The following FRYL variants were observed in gnomAD, a reference collection of about 807,000 sequenced individuals.
FRYL encodes the protein FRY like transcription coactivator, also known as protein furry homolog-like.
In FRYL, 150 loss-of-function variants were observed where a neutral mutation model predicts 351.2. The ratio of observed to expected loss-of-function variants is 0.43; its 90% CI spans 0.37 to 0.49. FRYL has a LOEUF of 0.49. Among genes scored for constraint, FRYL ranks in the 20% least tolerant of loss-of-function variants. The pLI, the probability that FRYL is intolerant of heterozygous loss-of-function variation, is 0.00. For missense variants in FRYL, 3,036 were observed against 3,619.3 expected, an observed-to-expected ratio of 0.84 and a Z score of 4.13; for synonymous variants, 1,153 against 1,257.1, an observed-to-expected ratio of 0.92 and a Z score of 1.75.
At chr4:48,588,441 A>C (rs1381623860) in intron 18 of FRYL, among the ~76,000 whole-genome samples, 1 of 152,152 alleles carries the variant, frequency 6.6e-6, no homozygotes, top group Non-Finnish European at 1.5e-5. Context: ...TATCTGTCTT[A>C]CACAACTTCT....
chr4:48,548,159 T>C (rs1263645001), intron 40 of FRYL, among the ~76,000 whole-genome samples: 1 of 152,014 alleles, frequency 6.6e-6, no homozygotes, highest in Non-Finnish European at 1.5e-5. Flanking sequence ...AGTGTGCCCA[T>C]CAGGAAAACT....
intron 53 of FRYL, among the ~76,000 whole-genome samples, chr4:48,526,443 A>G (rs1213596537): frequency 1.3e-5 from 2 of 152,182 alleles, no homozygotes; most frequent in African/African-American, 2.4e-5. Context: ...TGTTTCAGAA[A>G]GTAGCATGTG....
chr4:48,662,644 T>A (rs1224382434), intron 3 of FRYL, among the ~76,000 whole-genome samples: 1 of 150,684 alleles, frequency 6.6e-6, no homozygotes, highest in Non-Finnish European at 1.5e-5. Context: ...AGCAAGAAAT[T>A]AGCCAGCACA....
intron 35 of FRYL, among the ~76,000 whole-genome samples, chr4:48,554,415 T>G (rs1472680056): frequency 6.6e-6 from 1 of 152,060 alleles, no homozygotes; most frequent in East Asian, 1.9e-4. Context: ...CGTGGCTCAC[T>G]GCCACCTCTG....
chr4:48,705,983 C>A (rs1767300482), intron 2 of FRYL, among the ~76,000 whole-genome samples: 1 of 152,138 alleles, frequency 6.6e-6, no homozygotes, highest in South Asian at 2.1e-4. Flanking sequence ...ACTACAGGCA[C>A]ACGCCACCAC....
At chr4:48,559,753 C>A (rs545627075) in intron 33 of FRYL, among the ~76,000 whole-genome samples, 1 of 150,396 alleles carries the variant, frequency 6.6e-6, no homozygotes, top group African/African-American at 2.5e-5. Flanking sequence ...AAAAAAGGGA[C>A]GGAAGGCAAG....
intron 59 of FRYL, among the ~76,000 whole-genome samples, chr4:48,507,854 G>C (rs776167497): frequency 2.0e-5 from 3 of 152,116 alleles, no homozygotes; most frequent in Admixed American, 6.6e-5. Context: ...TTATCTGCAG[G>C]GGGAGAGGCT....
chr4:48,500,915 C>A (rs1310195763), intron 62 of FRYL, among the ~76,000 whole-genome samples: 1 of 151,962 alleles, frequency 6.6e-6, no homozygotes. Flanking sequence ...GAAACCCCGT[C>A]TCTACTAAAA....
At chr4:48,688,316 A>T (rs1330922864) in intron 2 of FRYL, among the ~76,000 whole-genome samples, 1 of 152,244 alleles carries the variant, frequency 6.6e-6, no homozygotes, top group African/African-American at 2.4e-5. Flanking sequence ...TAAATTTAAA[A>T]TGATTGTAGT....
intron 3 of FRYL, among the ~76,000 whole-genome samples, chr4:48,670,747 T>A (rs546139686): frequency 1.3e-5 from 2 of 152,274 alleles, no homozygotes; most frequent in South Asian, 4.1e-4. Context: ...GACCTCCAGT[T>A]CCATCCATGT....
intron 1 of FRYL, among the ~76,000 whole-genome samples, chr4:48,748,336 G>A (rs577434865): frequency 6.6e-6 from 1 of 152,146 alleles, no homozygotes; most frequent in African/African-American, 2.4e-5. Flanking sequence ...GAACTCCGAA[G>A]TTATAGCTAT....
chr4:48,576,458 T>C (rs1739636318), intron 23 of FRYL, among the ~76,000 whole-genome samples: 1 of 151,872 alleles, frequency 6.6e-6, no homozygotes, highest in Non-Finnish European at 1.5e-5. Flanking sequence ...GTGTGTGCCA[T>C]CACGCCCAGC....
At chr4:48,729,413 A>T (rs1170294817) in intron 1 of FRYL, among the ~76,000 whole-genome samples, 1 of 152,206 alleles carries the variant, frequency 6.6e-6, no homozygotes, top group Non-Finnish European at 1.5e-5. Context: ...TCGAGCTCTG[A>T]TAACGGACAG....
chr4:48,630,454 A>G (rs1424058257), intron 4 of FRYL, among the ~76,000 whole-genome samples: 1 of 152,198 alleles, frequency 6.6e-6, no homozygotes, highest in African/African-American at 2.4e-5. Flanking sequence ...GGTCTAAATC[A>G]GAAGAAGATA....
chr4:48,546,379 C>T, intron 41 of FRYL, 108 bp from the exon 42 acceptor site: 3 of 815,424 alleles, frequency 3.7e-6, no homozygotes, highest in Non-Finnish European at 6.0e-6. Context: ...ATGAGGCAAT[C>T]TGTCAGTGCA....
chr4:48,554,585 T>C (rs1320840482), intron 35 of FRYL, among the ~76,000 whole-genome samples: 1 of 152,216 alleles, frequency 6.6e-6, no homozygotes, highest in Non-Finnish European at 1.5e-5. Context: ...GTGATCCTCC[T>C]GCCTTGGCCT....
At chr4:48,532,070 A>G (rs1727779867) in intron 49 of FRYL, among the ~76,000 whole-genome samples, 1 of 152,170 alleles carries the variant, frequency 6.6e-6, no homozygotes, top group African/African-American at 2.4e-5. Context: ...ACTTTATAAT[A>G]TCTTTCTTTT....
intron 60 of FRYL, 56 bp downstream of exon 60, chr4:48,505,491 A>T (rs1433617924): frequency 1.0e-6 from 1 of 964,028 alleles, no homozygotes; most frequent in African/African-American, 1.6e-5. Context: ...GAACACATGC[A>T]TTGTTTTACC....
Position 48,544,840 on chromosome 4 carries a change from C to G in FRYL, c.5344G>C (p.Glu1782Gln). ...TGTTTCAAAAATGTAGTTAACTGTT[C>G]AGCACTCTTTATGCTAGGATTCTTG... ...SAKNPSIKSA[E>Q]QLTTFLKHVV... is the part of the protein sequence containing the mutation. Residue 1782 changes from glutamate (E) to glutamine (Q), a missense_variant, in exon 43 of 64, where the codon GAA (glutamate) becomes CAA (glutamine). Physicochemically the swap from Glu to Gln is conservative, Grantham distance 29. This residue lies in a region of FRYL where 1,987 missense variants were observed against 2,311.7 expected (regional missense o/e 0.86). Transcript: ENST00000358350. The G allele has an allele frequency of 6.2e-7, 1 of 1,610,478 alleles. No individual in the cohort carries two copies. Among genetic ancestry groups the G allele is most frequent in the Non-Finnish European group, 8.5e-7 (1 of 1,178,494 alleles).
Sources: allele counts gnomAD v4.1 joint callset (sites outside exome capture counted in the v4.1 genomes callset), GRCh38; gene constraint gnomAD v4.1.1; regional missense constraint gnomAD v4.1.1; transcripts MANE v1.5; gene names NCBI Gene and HGNC (gene_info 2026-07-23, HGNC 2026-07-21).